SPAG16: variants seen among roughly 807,000 people sequenced by gnomAD.
SPAG16 encodes sperm-associated antigen 16 protein.
Under a neutral mutation model 80.4 loss-of-function variants are expected in SPAG16, and 86 were observed. That is an observed-to-expected ratio of 1.07 (90% CI 0.90 to 1.28). SPAG16 has a LOEUF of 1.28. SPAG16 is among the 50% of genes most tolerant of loss of function. The pLI, the probability that SPAG16 is intolerant of heterozygous loss-of-function variation, is 0.00. For missense variants in SPAG16, 870 were observed against 765.3 expected, an observed-to-expected ratio of 1.14 and a Z score of -1.61; for synonymous variants, 294 against 265.9, an observed-to-expected ratio of 1.11 and a Z score of -1.03.
intron 9 of SPAG16, among the ~76,000 whole-genome samples, chr2:213,430,623 A>C (rs1399504247): frequency 1.3e-5 from 2 of 152,208 alleles, no homozygotes; most frequent in African/African-American, 4.8e-5. Context: ...TATTCACAAG[A>C]GAGAAGAAAA....
intron 15 of SPAG16, among the ~76,000 whole-genome samples, chr2:214,212,583 T>C (rs1203629849): frequency 6.6e-6 from 1 of 152,066 alleles, no homozygotes; most frequent in Non-Finnish European, 1.5e-5. Flanking sequence ...ACTATTTATA[T>C]GCTAAGTTAG....
chr2:214,162,722 C>G (rs966701580), intron 15 of SPAG16, among the ~76,000 whole-genome samples: 9 of 151,972 alleles, frequency 5.9e-5, no homozygotes, highest in Non-Finnish European at 1.0e-4. Flanking sequence ...CCGTGATGTT[C>G]TAGTATTGTC....
At chr2:214,131,361 C>T (rs551052509) in intron 14 of SPAG16, among the ~76,000 whole-genome samples, 20 of 147,748 alleles carry the variant, frequency 1.4e-4, no homozygotes, top group African/African-American at 4.5e-4. Flanking sequence ...CAGAGCAAGA[C>T]CCTAACTCAA....
chr2:214,201,809 C>A (rs546187828), intron 15 of SPAG16, among the ~76,000 whole-genome samples: 2 of 151,922 alleles, frequency 1.3e-5, no homozygotes, highest in African/African-American at 2.4e-5. Flanking sequence ...AATCACATTT[C>A]TTTCTTTTCT....
intron 8 of SPAG16, among the ~76,000 whole-genome samples, chr2:213,367,502 C>G (rs1189160121): frequency 5.9e-5 from 9 of 152,264 alleles, no homozygotes; most frequent in Non-Finnish European, 1.2e-4. Context: ...GAGATGGTAT[C>G]TCATTGTGGT....
At chr2:213,314,081 T>C (rs1467931338) in intron 4 of SPAG16, among the ~76,000 whole-genome samples, 1 of 151,934 alleles carries the variant, frequency 6.6e-6, no homozygotes, top group Non-Finnish European at 1.5e-5. Flanking sequence ...ATATTCATCA[T>C]TTATGGCAGT....
intron 10 of SPAG16, among the ~76,000 whole-genome samples, chr2:213,529,467 C>T (rs2075997521): frequency 1.3e-5 from 2 of 152,212 alleles, no homozygotes; most frequent in Admixed American, 1.3e-4. Flanking sequence ...CCAGCTCTAG[C>T]ACACTACTGC....
rs182773056 is a variant in SPAG16 at position 213,565,586 on chromosome 2, A to G, written c.1070+75496A>G. Among the ~76,000 whole-genome samples, 115 of 152,346 alleles carry G rather than the reference A, an allele frequency of 7.5e-4. 2 individuals are homozygous for G. The South Asian group carries it at 0.023, about 31-fold the overall frequency. ...TAGTGTTTTTAATTCCAAAGCATCT[A>G]TTGAAAGGCTGGGTGGCTGAGCAGG... On this transcript the variant is annotated intron_variant, in intron 10 of 15. Coordinates refer to ENST00000331683, the MANE Select transcript of SPAG16 (RefSeq NM_024532.5).
intron 10 of SPAG16, among the ~76,000 whole-genome samples, chr2:213,673,281 A>G (rs2063894747): frequency 6.6e-6 from 1 of 152,218 alleles, no homozygotes; most frequent in South Asian, 2.1e-4. Context: ...GAAATAAAAC[A>G]TCTAAAAAAT....
chr2:214,059,368 A>T (rs2050140298), intron 13 of SPAG16, among the ~76,000 whole-genome samples: 1 of 147,928 alleles, frequency 6.8e-6, no homozygotes. Flanking sequence ...TGTTATTTCA[A>T]CTCCATTTGT....
At chr2:213,702,242 G>A (rs2065468981) in intron 10 of SPAG16, among the ~76,000 whole-genome samples, 1 of 152,184 alleles carries the variant, frequency 6.6e-6, no homozygotes, top group Non-Finnish European at 1.5e-5. Flanking sequence ...CTGTAAAATG[G>A]ACCAATCAGC....
intron 13 of SPAG16, among the ~76,000 whole-genome samples, chr2:214,047,471 G>A (rs1489720753): frequency 6.6e-6 from 1 of 152,076 alleles, no homozygotes; most frequent in Non-Finnish European, 1.5e-5. Context: ...AAATGTTGCT[G>A]GAAAAGCAGG....
At chr2:213,451,315 T>C (rs1194424887) in intron 9 of SPAG16, among the ~76,000 whole-genome samples, 1 of 152,198 alleles carries the variant, frequency 6.6e-6, no homozygotes, top group Admixed American at 6.5e-5. Context: ...CCTAGGTAAT[T>C]TATCCCATGC....
chr2:214,189,634 A>AT (rs983706490), intron 15 of SPAG16, among the ~76,000 whole-genome samples: 146 of 151,268 alleles, frequency 9.7e-4, no homozygotes, highest in Non-Finnish European at 4.9e-4. Flanking sequence ...GCTAAACATG[A>AT]TTTTTTTTTG....
At chr2:213,579,890 G>T (rs1038777451) in intron 10 of SPAG16, among the ~76,000 whole-genome samples, 1 of 152,052 alleles carries the variant, frequency 6.6e-6, no homozygotes, top group Non-Finnish European at 1.5e-5. Flanking sequence ...AAAATAAAAA[G>T]CACAGTTGTG....
intron 10 of SPAG16, among the ~76,000 whole-genome samples, chr2:213,809,355 G>T (rs2125662270): frequency 6.6e-6 from 1 of 152,240 alleles, no homozygotes; most frequent in Non-Finnish European, 1.5e-5. Flanking sequence ...ACTTGGGTAT[G>T]TACTGTAAGT....
intron 15 of SPAG16, among the ~76,000 whole-genome samples, chr2:214,176,707 G>A (rs2057095408): frequency 6.6e-6 from 1 of 151,052 alleles, no homozygotes; most frequent in Admixed American, 6.6e-5. Flanking sequence ...TATAACAATA[G>A]AAGTACAGTG....
chr2:213,881,245 C>T (rs375691362), intron 11 of SPAG16, among the ~76,000 whole-genome samples: 9 of 152,120 alleles, frequency 5.9e-5, no homozygotes, highest in South Asian at 2.1e-4. Flanking sequence ...AGATTGTGTT[C>T]CTGATTTGAC....
At chr2:213,528,571 C>A (rs1441671649) in intron 10 of SPAG16, among the ~76,000 whole-genome samples, 2 of 151,932 alleles carry the variant, frequency 1.3e-5, no homozygotes, top group Non-Finnish European at 2.9e-5. Flanking sequence ...CGTGTAAAAC[C>A]AGAAGTGACT....
Sources: allele counts gnomAD v4.1 joint callset (sites outside exome capture counted in the v4.1 genomes callset), GRCh38; gene constraint gnomAD v4.1.1; transcripts MANE v1.5; gene names NCBI Gene and HGNC (gene_info 2026-07-23, HGNC 2026-07-21).